KCNH8: variants seen among roughly 807,000 people sequenced by gnomAD.
The protein encoded by KCNH8 is potassium voltage-gated channel subfamily H member 8.
A neutral mutation model predicts 103.6 loss-of-function variants in KCNH8; 70 were observed. That is an observed-to-expected ratio of 0.68 (90% CI 0.56 to 0.82). The LOEUF (loss-of-function observed/expected upper bound fraction) is 0.82, where lower values mean the gene tolerates loss of function less well. KCNH8 is among the 40% of genes least tolerant of loss of function. The pLI is 0.00. For synonymous variants in KCNH8, 498 were observed against 489.4 expected (o/e 1.02, Z -0.23); for missense variants, 1,217 against 1,329.9 (o/e 0.92, Z 1.32).
chr3:19,182,851 G>A (rs897883666), intron 1 of KCNH8, among the ~76,000 whole-genome samples: 6 of 152,130 alleles, frequency 3.9e-5, no homozygotes, highest in African/African-American at 1.2e-4. Flanking sequence ...TTTTTCGTGA[G>A]AAATGCATTT....
At chr3:19,367,379 ACT>A (rs145060744) in intron 5 of KCNH8, among the ~76,000 whole-genome samples, 20 of 140,074 alleles carry the variant, frequency 1.4e-4, no homozygotes, top group African/African-American at 2.4e-4. Context: ...GTGTACCCCC[ACT>A]CTCTCTCTCT....
chr3:19,229,316 G>A (rs1386355861), intron 1 of KCNH8, among the ~76,000 whole-genome samples: 2 of 152,182 alleles, frequency 1.3e-5, no homozygotes, highest in Admixed American at 6.5e-5. Context: ...CCATGCCCTA[G>A]CAGAGGTTCT....
chr3:19,355,303 C>T (rs1473933240), intron 5 of KCNH8, among the ~76,000 whole-genome samples: 1 of 152,076 alleles, frequency 6.6e-6, no homozygotes, highest in Non-Finnish European at 1.5e-5. Flanking sequence ...AACTAGTTCA[C>T]CCATTGTGGA....
At chr3:19,413,099 G>T (rs1305943253) in intron 7 of KCNH8, among the ~76,000 whole-genome samples, 2 of 151,488 alleles carry the variant, frequency 1.3e-5, no homozygotes, top group Non-Finnish European at 2.9e-5. Flanking sequence ...AAATGCAATA[G>T]CAAAGACATA....
At chr3:19,206,808 G>C (rs2063721518) in intron 1 of KCNH8, among the ~76,000 whole-genome samples, 3 of 152,014 alleles carry the variant, frequency 2.0e-5, no homozygotes, top group African/African-American at 7.2e-5. Context: ...AGAAAGACAG[G>C]TGATGAAATC....
chr3:19,481,326 G>A (rs2068082713), intron 11 of KCNH8, among the ~76,000 whole-genome samples: 1 of 151,952 alleles, frequency 6.6e-6, no homozygotes, highest in Non-Finnish European at 1.5e-5. Context: ...TCATTGCAAT[G>A]AGCTCCATTT....
At chr3:19,151,108 AG>A (rs757979598) in intron 1 of KCNH8, among the ~76,000 whole-genome samples, 6 of 152,104 alleles carry the variant, frequency 3.9e-5, no homozygotes, top group Non-Finnish European at 8.8e-5. Context: ...TGGTATATCT[AG>A]AATAATGGGT....
chr3:19,201,254 A>AAAAAAAAAAAAAAAAAAAAAG (rs1559419872), intron 1 of KCNH8, among the ~76,000 whole-genome samples: 1 of 143,408 alleles, frequency 7.0e-6, no homozygotes. Context: ...AAAAAAAAAA[A>AAAAAAAAAAAAAAAAAAAAAG]AAAAAAAAGA....
chr3:19,341,070 C>A (rs960851187), intron 3 of KCNH8, among the ~76,000 whole-genome samples: 1 of 152,146 alleles, frequency 6.6e-6, no homozygotes, highest in African/African-American at 2.4e-5. Context: ...GTTTCCAGTT[C>A]TCTTTTCTTG....
chr3:19,497,957 C>A (rs138747196), intron 11 of KCNH8, among the ~76,000 whole-genome samples: 1 of 152,240 alleles, frequency 6.6e-6, no homozygotes, highest in African/African-American at 2.4e-5. Context: ...ATAGTTAGGT[C>A]TTCTTGTTGA....
chr3:19,470,887 T>C (rs964494206), intron 11 of KCNH8, among the ~76,000 whole-genome samples: 1 of 152,186 alleles, frequency 6.6e-6, no homozygotes, highest in Non-Finnish European at 1.5e-5. Context: ...AGGGAGCACA[T>C]AAAAAGCTTT....
intron 1 of KCNH8, among the ~76,000 whole-genome samples, chr3:19,232,191 C>T (rs1332105093): frequency 6.6e-6 from 1 of 152,160 alleles, no homozygotes; most frequent in African/African-American, 2.4e-5. Context: ...CAAGACACAC[C>T]TTCCAGATTT....
chr3:19,221,243 C>T (rs2063870781), intron 1 of KCNH8, among the ~76,000 whole-genome samples: 3 of 152,030 alleles, frequency 2.0e-5, no homozygotes, highest in Admixed American at 1.3e-4. Context: ...TGCAAGATTA[C>T]TTGAGATACC....
chr3:19,460,372 T>C (rs1419472164), intron 11 of KCNH8, among the ~76,000 whole-genome samples: 1 of 152,148 alleles, frequency 6.6e-6, no homozygotes, highest in Non-Finnish European at 1.5e-5. Context: ...CTAGGTGCTA[T>C]TTTAATCTGT....
chr3:19,229,773 C>T (rs2063971931), intron 1 of KCNH8, among the ~76,000 whole-genome samples: 2 of 152,266 alleles, frequency 1.3e-5, no homozygotes, highest in African/African-American at 4.8e-5. Context: ...TAGGAAGTTC[C>T]AAATTTTCCC....
intron 5 of KCNH8, among the ~76,000 whole-genome samples, chr3:19,374,757 C>T (rs1368697064): frequency 1.3e-5 from 2 of 152,012 alleles, no homozygotes; most frequent in Non-Finnish European, 2.9e-5. Context: ...TGTTCCTTTC[C>T]ATGTTTAGTG....
At chr3:19,507,606 A>G (rs1415781575) in intron 11 of KCNH8, among the ~76,000 whole-genome samples, 1 of 152,136 alleles carries the variant, frequency 6.6e-6, no homozygotes, top group East Asian at 1.9e-4. Context: ...AGAACTGCAG[A>G]GCCACCTCCA....
chr3:19,464,461 T>C (rs2067695463), intron 11 of KCNH8, among the ~76,000 whole-genome samples: 1 of 152,030 alleles, frequency 6.6e-6, no homozygotes, highest in African/African-American at 2.4e-5. Context: ...CAGAATATCA[T>C]TATGACCTTG....
At chr3:19,495,658 T>C (rs78763287) in intron 11 of KCNH8, among the ~76,000 whole-genome samples, 1,746 of 152,302 alleles carry the variant, frequency 0.011, 44 homozygotes, top group African/African-American at 0.039. Context: ...GCTTTGTCTT[T>C]TTGCTTAGGA....
Sources: gnomAD v4.1 joint callset for allele counts (sites outside exome capture counted in the v4.1 genomes callset) on GRCh38, gnomAD v4.1.1 for gene constraint, MANE v1.5 for transcripts, NCBI Gene and HGNC (gene_info 2026-07-23, HGNC 2026-07-21) for gene names.